E2F3: variants seen among roughly 807,000 people sequenced by gnomAD.
The protein encoded by E2F3 is transcription factor E2F3.
Under a neutral mutation model 44.4 loss-of-function variants are expected in E2F3, and 11 were observed. That is an observed-to-expected ratio of 0.25 (90% confidence interval 0.16 to 0.41). The LOEUF is 0.41. Among genes scored for constraint, E2F3 ranks in the 10% least tolerant of loss-of-function variants. E2F3 has a pLI of 1.00. For missense variants in E2F3, 487 were observed against 583.6 expected (o/e 0.83, Z 1.70); for synonymous variants, 249 against 253.0 (o/e 0.98, Z 0.15).
chr6:20,410,451 T>G (rs1759634822), intron 1 of E2F3, among the ~76,000 whole-genome samples: 1 of 152,208 alleles, frequency 6.6e-6, no homozygotes, highest in Admixed American at 6.5e-5. Flanking sequence ...TTGGGAGGAA[T>G]GATAGTACCT....
rs1377900520 is a variant in E2F3, at chr6:20,479,843, C to T, written c.394-3C>T. 1.9e-6 allele frequency: 3 copies of T among 1,608,594 alleles called. No homozygotes were observed. Among genetic ancestry groups the T allele is most frequent in the Admixed American group, 3.4e-5 (2 of 59,292 alleles). On this transcript the variant is annotated splice_region_variant and splice_polypyrimidine_tract_variant and intron_variant, in intron 1 of 6. Coordinates refer to ENST00000346618, the MANE Select transcript of E2F3 (RefSeq NM_001949.5). ...GACGAGAGATCGCACTTTCTTATTA[C>T]AGGCAAAGCGAAGGCTGGAGCTAGG... is the stretch of plus-strand genomic sequence containing the variant.
At chr6:20,445,244 TC>T in intron 1 of E2F3, 6 of 756,080 alleles carry the variant, frequency 7.9e-6, no homozygotes, top group Non-Finnish European at 1.6e-6. Context: ...GTATATTTTC[TC>T]CCTTTTTTTT....
At chr6:20,419,163 C>T (rs1053877114) in intron 1 of E2F3, among the ~76,000 whole-genome samples, 2 of 152,116 alleles carry the variant, frequency 1.3e-5, no homozygotes, top group African/African-American at 2.4e-5. Context: ...GTAATAGCTG[C>T]GCTGCCACTC....
chr6:20,408,302 A>G (rs1456324689), intron 1 of E2F3, among the ~76,000 whole-genome samples: 2 of 151,840 alleles, frequency 1.3e-5, no homozygotes, highest in East Asian at 3.9e-4. Context: ...AAAAGCAACA[A>G]CTGCCTTTGG....
Position 20,402,173 on chromosome 6 carries a change from TAAAG to T in E2F3, c.-56_-53del, listed in dbSNP as rs1261682706. On this transcript the variant is annotated 5_prime_UTR_variant, in exon 1 of 7. Coordinates refer to ENST00000346618, the MANE Select transcript of E2F3 (RefSeq NM_001949.5). This position sits in a 1 kb window ranked among gnomAD's most constrained non-coding sequence, Gnocchi z 5.6. ...ACTTGGAAACTCCGACTGCAAATAA[TAAAG>T]AAATTGAAAACAATACATTAATATA... The T allele has an allele frequency of 6.7e-7, 1 of 1,495,722 alleles. No individual in the cohort carries two copies. 92.7% of individuals were successfully genotyped at this position (1,495,722 alleles called of 1,614,324 possible).
intron 4 of E2F3, among the ~76,000 whole-genome samples, chr6:20,484,041 A>G (rs2127623691): frequency 6.6e-6 from 1 of 152,332 alleles, no homozygotes; most frequent in African/African-American, 2.4e-5. Flanking sequence ...GTGGGTTTAC[A>G]GGGGAAGAAA....
intron 1 of E2F3, among the ~76,000 whole-genome samples, chr6:20,405,625 C>T (rs1759469963): frequency 6.6e-6 from 1 of 152,148 alleles, no homozygotes; most frequent in Admixed American, 6.5e-5. Flanking sequence ...GAGATCCAGA[C>T]CATCCTGGCC....
chr6:20,423,929 C>T (rs1043349191), intron 1 of E2F3, among the ~76,000 whole-genome samples: 10 of 151,936 alleles, frequency 6.6e-5, no homozygotes, highest in East Asian at 1.9e-4. Context: ...CCACCATGCC[C>T]GGCTAATTTT....
intron 2 of E2F3, among the ~76,000 whole-genome samples, chr6:20,480,503 G>A (rs1287343577): frequency 1.3e-5 from 2 of 152,174 alleles, no homozygotes; most frequent in African/African-American, 4.8e-5. Flanking sequence ...TAACATAAGG[G>A]CTAAATTAGA....
At chr6:20,447,257 C>G (rs1391012985) in intron 1 of E2F3, among the ~76,000 whole-genome samples, 5 of 151,964 alleles carry the variant, frequency 3.3e-5, no homozygotes, top group Admixed American at 6.6e-5. Context: ...CACTGCCTTT[C>G]TTGTGAACTT....
chr6:20,478,485 C>A (rs951684039), intron 1 of E2F3, among the ~76,000 whole-genome samples: 2 of 152,114 alleles, frequency 1.3e-5, no homozygotes, highest in African/African-American at 4.8e-5. Context: ...TTATTACTTA[C>A]GTTTTCACAT....
intron 1 of E2F3, among the ~76,000 whole-genome samples, chr6:20,465,937 ACTT>A (rs561546686): frequency 6.6e-6 from 1 of 152,080 alleles, no homozygotes; most frequent in Non-Finnish European, 1.5e-5. Flanking sequence ...TTGAATAATG[ACTT>A]CTTTTCCTCT....
intron 4 of E2F3, 148 bp downstream of exon 4, chr6:20,483,068 TGCAC>T: frequency 2.6e-6 from 3 of 1,155,532 alleles, no homozygotes; most frequent in Non-Finnish European, 3.6e-6. Flanking sequence ...TGTGTGTGTG[TGCAC>T]GTGTGTGTGT....
chr6:20,428,739 G>A (rs959516092), intron 1 of E2F3, among the ~76,000 whole-genome samples: 2 of 152,192 alleles, frequency 1.3e-5, no homozygotes, highest in African/African-American at 4.8e-5. Context: ...TAAAGAGTTA[G>A]GGGCATCTTT....
chr6:20,409,827 G>A (rs1265295389), intron 1 of E2F3, among the ~76,000 whole-genome samples: 6 of 152,206 alleles, frequency 3.9e-5, no homozygotes, highest in Admixed American at 6.5e-5. Context: ...GCACTGACTC[G>A]TTAGGGGCAG....
In E2F3 at chr6:20,468,677, C is replaced by G. The variant is rs202112070; in HGVS notation, c.394-11169C>G. Among the ~76,000 whole-genome samples, 14 of 152,338 alleles carry G rather than the reference C, an allele frequency of 9.2e-5. No homozygotes were observed. In the East Asian group the frequency reaches 2.3e-3, roughly 25 times the overall value. ...AGATGGGTCTGAAAGTTCTGACCCTCTGATCCTGCCTTGGTTTTTCCAGTG... is the reference window on the plus strand; with the variant it reads ...AGATGGGTCTGAAAGTTCTGACCCTGTGATCCTGCCTTGGTTTTTCCAGTG... On this transcript the variant is annotated intron_variant, in intron 1 of 6. Transcript: ENST00000346618.
In E2F3 at chr6:20,486,758, G is replaced by T; in HGVS notation, c.954G>T (p.Val318=). The change falls in exon 5 of 7, where the codon GTG becomes GTT. Residue 318 remains valine (V), a synonymous_variant. Transcript: ENST00000346618. ...TTAAAGACCAAACTGTTATAGTTGT[G>T]AAAGCCCCTCCAGAAACAAGACTTG... ...SGLKDQTVIV[V]KAPPETRLEV... is the part of the protein sequence containing the mutation. 1 of 1,613,658 alleles carries T rather than the reference G, an allele frequency of 6.2e-7. No homozygotes were observed. Among genetic ancestry groups the T allele is most frequent in the Non-Finnish European group, 8.5e-7 (1 of 1,179,884 alleles).
intron 1 of E2F3, among the ~76,000 whole-genome samples, chr6:20,413,317 C>G (rs1454754425): frequency 6.6e-6 from 1 of 152,172 alleles, no homozygotes; most frequent in African/African-American, 2.4e-5. Context: ...ATGAAACATT[C>G]TGGAAGCACG....
chr6:20,459,068 C>A (rs908728912), intron 1 of E2F3, among the ~76,000 whole-genome samples: 4 of 152,128 alleles, frequency 2.6e-5, no homozygotes, highest in Non-Finnish European at 5.9e-5. Flanking sequence ...TCACCTGAGA[C>A]CAGTCTGGCC....
Sources: gnomAD v4.1 joint callset for allele counts (sites outside exome capture counted in the v4.1 genomes callset) on GRCh38, gnomAD v4.1.1 for gene constraint, Gnocchi (gnomAD v3.1) non-coding constraint, MANE v1.5 for transcripts, NCBI Gene and HGNC (gene_info 2026-07-23, HGNC 2026-07-21) for gene names.